Variants in TUBGCP6 observed in about 807,000 individuals in gnomAD.
The protein encoded by TUBGCP6 is tubulin gamma complex component 6.
Under a neutral mutation model 175.8 loss-of-function variants are expected in TUBGCP6, and 161 were observed. The observed-to-expected ratio is 0.92, with a 90% CI of 0.81 to 1.04. The LOEUF is 1.04. TUBGCP6 is among the 50% of genes least tolerant of loss of function. The probability of loss-of-function intolerance (pLI) is 0.00; values close to 1 mark genes in which losing one functional copy is unlikely to be tolerated. For synonymous variants in TUBGCP6, 1,173 were observed against 1,030.5 expected (o/e 1.14, Z -2.65); for missense variants, 2,572 against 2,433.0 (o/e 1.06, Z -1.20).
At position 50,221,061 on chromosome 22, in the gene TUBGCP6, TG is replaced by T; in HGVS notation, c.3297del (p.Thr1100LeufsTer224). ...CCATGGATGTTCCACCGTGGCCGAG[TG>T]GGAGCCACATCTGACACAGACTCCC... Reference protein sequence around the residue: ...SLGESVSDVAPTRPRWNIHGH... With the variant: ...SLGESVSDVAXTRPRWNIHGH... On this transcript the variant is annotated frameshift_variant, in exon 16 of 25. Coordinates refer to ENST00000248846, the MANE Select transcript of TUBGCP6 (RefSeq NM_020461.4). LOFTEE classifies it high-confidence loss of function. 1.9e-6 allele frequency: 3 copies of T among 1,611,640 alleles called. No individual in the cohort carries two copies. The highest frequency in any genetic ancestry group is 2.5e-6 in the Non-Finnish European group (3 of 1,179,504).
rs373138504 is a variant in TUBGCP6 at position 50,220,807 on chromosome 22, C to T, written c.3552G>A (p.Arg1184=). ...SVSDMAPARP[R]WNTHGHVSDA... is the part of the protein sequence containing the mutation. ...CAGACACGTGTCCATGGGTGTTCCA[C>T]CGTGGCCGGGCGGGAGCCATGTCTG... Residue 1184 remains arginine, a synonymous_variant, in exon 16 of 25, where the codon CGG becomes CGA. Coordinates refer to ENST00000248846, the MANE Select transcript of TUBGCP6 (RefSeq NM_020461.4). 4 of 1,602,312 alleles carry T rather than the reference C, an allele frequency of 2.5e-6. No individual in the cohort carries two copies. Among genetic ancestry groups the T allele is most frequent in the Non-Finnish European group, 3.4e-6 (4 of 1,175,884 alleles).
rs28574877 is a variant in TUBGCP6 at position 50,227,190 on chromosome 22, T to C, written c.1413-113A>G. ...TTATGCTCCCTGGGGCAACTAACTTTAGATGCAGGCTTTAAAAACCACAGG... is the reference window on the plus strand; with the variant it reads ...TTATGCTCCCTGGGGCAACTAACTTCAGATGCAGGCTTTAAAAACCACAGG... On this transcript the variant is annotated intron_variant, in intron 5 of 24. Coordinates refer to ENST00000248846, the MANE Select transcript of TUBGCP6 (RefSeq NM_020461.4). The C allele has an allele frequency of 1.2e-3, 1,208 of 980,704 alleles. 10 individuals carry two copies. The African/African-American group carries it at 0.018, about 14-fold the overall frequency. 60.8% of individuals were successfully genotyped at this position (980,704 alleles called of 1,614,324 possible). A position where few individuals can be genotyped will look rare whatever the true frequency, so the allele number is the denominator to read the frequency against.
intron 1 of TUBGCP6, among the ~76,000 whole-genome samples, chr22:50,241,045 TAA>T (rs1175619546): frequency 4.6e-5 from 7 of 152,194 alleles, no homozygotes; most frequent in African/African-American, 1.7e-4. Flanking sequence ...TCTAGTACAA[TAA>T]AATATATAGA....
chr22:50,243,339 G>C (rs1407686938), intron 1 of TUBGCP6, among the ~76,000 whole-genome samples: 9 of 151,808 alleles, frequency 5.9e-5, no homozygotes, highest in African/African-American at 2.2e-4. Context: ...CCCAGCTACA[G>C]CTACTCGGGA....
intron 13 of TUBGCP6, chr22:50,222,951 A>G (rs931613117): frequency 2.8e-5 from 6 of 217,212 alleles, no homozygotes; most frequent in African/African-American, 1.4e-4. Context: ...TACAGGTACA[A>G]ACCTGAGAAC....
rs906518050 is a variant in TUBGCP6 at position 50,219,365 on chromosome 22, C to G, written c.4407G>C (p.Glu1469Asp). The change falls in exon 19 of 25, where the codon GAG (glutamate) becomes GAC (aspartate). Residue 1469 changes from glutamate to aspartate, a missense_variant. Glu to Asp is a conservative substitution (Grantham distance 45). Coordinates refer to ENST00000248846, the MANE Select transcript of TUBGCP6 (RefSeq NM_020461.4). ...VDPQVQSAAD[E>D]TAVQLSELLT... ...GCAACTCGCTCAGCTGCACAGCAGTCTCATCAGCGGCAGACTGGACCTGGG... is the reference window on the plus strand; with the variant it reads ...GCAACTCGCTCAGCTGCACAGCAGTGTCATCAGCGGCAGACTGGACCTGGG... The G allele has an allele frequency of 3.2e-6, 5 of 1,586,212 alleles. No homozygotes were observed. In the African/African-American group the frequency reaches 5.4e-5, roughly 17 times the overall value.
chr22:50,226,498 G>T, intron 7 of TUBGCP6, 120 bp from the exon 8 acceptor site: 1 of 918,512 alleles, frequency 1.1e-6, no homozygotes, highest in Middle Eastern at 2.3e-4. Flanking sequence ...GGGCGTAGCT[G>T]TGAGAGGTGG....
intron 2 of TUBGCP6, among the ~76,000 whole-genome samples, chr22:50,235,243 A>AACATCCACAT (rs2064756559): frequency 2.6e-4 from 3 of 11,746 alleles, no homozygotes; most frequent in African/African-American, 2.0e-3. Flanking sequence ...TGTCCATGGC[A>AACATCCACAT]GCATCCACAT....
At chr22:50,230,377 C>T (rs1421798623) in intron 3 of TUBGCP6, among the ~76,000 whole-genome samples, 3 of 152,098 alleles carry the variant, frequency 2.0e-5, no homozygotes, top group African/African-American at 4.8e-5. Flanking sequence ...GAGGCCAAGG[C>T]AGGTGGATCA....
At position 50,244,956 on chromosome 22, in the gene TUBGCP6, C is replaced by T. The variant is rs2147224347; in HGVS notation, c.-497G>A. 8.9e-6 allele frequency: 2 copies of T among 224,530 alleles called. No individual in the cohort carries two copies. The highest frequency in any genetic ancestry group is 1.8e-3 in the Middle Eastern group (1 of 550). The allele number at this position is 224,530 out of a possible 1,614,324, so 13.9% of individuals were successfully genotyped here. On this transcript the variant is annotated 5_prime_UTR_variant, in exon 1 of 25. Transcript: ENST00000248846. ...CTGCACGTCCACCCGTTCTCCAGGC[C>T]TCACCCGTGGAAAGTGCCCACGGCT...
intron 3 of TUBGCP6, among the ~76,000 whole-genome samples, chr22:50,230,277 C>T (rs2064670918): frequency 6.6e-6 from 1 of 150,736 alleles, no homozygotes; most frequent in Non-Finnish European, 1.5e-5. Flanking sequence ...TGAGACCAGC[C>T]TGGGCAACAT....
In TUBGCP6 at chr22:50,221,268, C is replaced by CA. The variant is rs754885011; in HGVS notation, c.3090_3091insT (p.Gly1031TrpfsTer12). ...TAGTCCCCTGTGGGAAGACCACCCCCTGACACCTGCCCAAAGAGCCGCTCT... is the reference window on the plus strand; with the variant it reads ...TAGTCCCCTGTGGGAAGACCACCCCCATGACACCTGCCCAAAGAGCCGCTCT... On this transcript the variant is annotated frameshift_variant, in exon 16 of 25. Transcript: ENST00000248846. LOFTEE classifies it high-confidence loss of function. 6.2e-7 allele frequency: 1 copy of CA among 1,613,896 alleles called. No individual in the cohort carries two copies. The highest frequency in any genetic ancestry group is 8.5e-7 in the Non-Finnish European group (1 of 1,179,908).
In TUBGCP6 at chr22:50,219,457, C is replaced by A. The variant is rs755339033; in HGVS notation, c.4316-1G>T. 1 of 1,582,040 alleles carries A rather than the reference C, an allele frequency of 6.3e-7. No homozygotes were observed. The highest frequency in any genetic ancestry group is 8.6e-7 in the Non-Finnish European group (1 of 1,165,436). Reference sequence around the variant, plus strand: ...AAAAGATGAGCAATGGGCGGCTCGGCTGCGGGAGATGGAGCACGCACGTGC... The same window carrying A: ...AAAAGATGAGCAATGGGCGGCTCGGATGCGGGAGATGGAGCACGCACGTGC... On this transcript the variant is annotated splice_acceptor_variant, in intron 18 of 24. Coordinates refer to ENST00000248846, the MANE Select transcript of TUBGCP6 (RefSeq NM_020461.4). LOFTEE classifies it high-confidence loss of function.
chr22:50,221,652 C>T lies in TUBGCP6; in HGVS notation c.2707G>A (p.Gly903Ser), dbSNP rs756001703. The change falls in exon 16 of 25, where the codon GGC becomes AGC. Residue 903 changes from glycine to serine, a missense_variant. Transcript: ENST00000248846. ...SLSIGDFLPV[G>S]PGAEPSVQTG... The stretch of plus-strand genomic sequence containing the variant: ...TGCACGGACGGCTCAGCCCCTGGGC[C>T]CACAGGTAGGAAGTCTCCAATGCTG... The T allele has an allele frequency of 7.2e-6, 11 of 1,523,432 alleles. No homozygotes were observed. Among genetic ancestry groups the T allele is most frequent in the Non-Finnish European group, 9.7e-6 (11 of 1,136,062 alleles). The allele number at this position is 1,523,432 out of a possible 1,614,324, so 94.4% of individuals were successfully genotyped here.
intron 2 of TUBGCP6, among the ~76,000 whole-genome samples, chr22:50,234,396 A>G (rs569425440): frequency 7.3e-6 from 1 of 137,374 alleles, no homozygotes; most frequent in Admixed American, 7.4e-5. Context: ...CATCATCCAC[A>G]CCCCTGTCCA....
Position 50,220,599 on chromosome 22 carries a change from C to A in TUBGCP6, c.3760G>T (p.Glu1254Ter), listed in dbSNP as rs756785953. 2 of 1,613,486 alleles carry A rather than the reference C, an allele frequency of 1.2e-6. No individual in the cohort carries two copies. The highest frequency in any genetic ancestry group is 3.3e-5 in the Admixed American group (2 of 59,942). Residue 1254 changes from glutamate to a stop codon, truncating the protein, a stop_gained, in exon 16 of 25, where the codon GAG becomes TAG. Transcript: ENST00000248846. LOFTEE classifies it high-confidence loss of function. The stretch of plus-strand genomic sequence containing the variant: ...GTGGAAACCACATCCGACACAGGCT[C>A]CCCCAAGCTGATGCTGGCGTCGGAC... ...HVSDASISLG[E>*]PVSDVVSTRP...
intron 2 of TUBGCP6, among the ~76,000 whole-genome samples, chr22:50,236,101 AG>A (rs1355297396): frequency 1.3e-5 from 2 of 150,648 alleles, no homozygotes. Flanking sequence ...GCCCCACCTC[AG>A]AAAAACCGTA....
chr22:50,240,274 C>T lies in TUBGCP6; in HGVS notation c.835G>A (p.Asp279Asn). The T allele has an allele frequency of 6.2e-7, 1 of 1,614,028 alleles. No homozygotes were observed. ...DSQSEPSVTP[D>N]VDLWEAALTY... ...AGTGCGGCTTCCCACAGGTCCACGT[C>T]TGGGGTCACGCTGGGCTCAGACTGG... is the stretch of plus-strand genomic sequence containing the variant. Residue 279 changes from aspartate (D) to asparagine (N), a missense_variant, in exon 2 of 25, where the codon GAC (aspartate) becomes AAC (asparagine). Asp to Asn is a conservative substitution (Grantham distance 23). Coordinates refer to ENST00000248846, the MANE Select transcript of TUBGCP6 (RefSeq NM_020461.4).
chr22:50,240,169 G>T, intron 2 of TUBGCP6, 35 bp downstream of exon 2: 2 of 1,611,772 alleles, frequency 1.2e-6, no homozygotes, highest in Non-Finnish European at 1.7e-6. Flanking sequence ...GCAGGGGTAG[G>T]GGCACTGCAT....
Sources: allele counts gnomAD v4.1 joint callset (sites outside exome capture counted in the v4.1 genomes callset), GRCh38; gene constraint gnomAD v4.1.1; transcripts MANE v1.5; gene names NCBI Gene and HGNC (gene_info 2026-07-23, HGNC 2026-07-21).